DLG1: variants seen among roughly 807,000 people sequenced by gnomAD.
DLG1 encodes the protein discs large MAGUK scaffold protein 1.
DLG1 carries 42 observed loss-of-function variants against 123.4 expected under a neutral mutation model. That is an observed-to-expected ratio of 0.34 (90% CI 0.27 to 0.44). The LOEUF is 0.44. DLG1 is among the 20% of genes least tolerant of loss of function. The pLI is 1.00. For synonymous variants in DLG1, 317 were observed against 356.2 expected (o/e 0.89, Z 1.24); for missense variants, 942 against 1,082.6 (o/e 0.87, Z 1.82).
At chr3:197,266,372 TGTTA>T (rs1761695929) in intron 4 of DLG1, among the ~76,000 whole-genome samples, 1 of 152,042 alleles carries the variant, frequency 6.6e-6, no homozygotes, top group Non-Finnish European at 1.5e-5. Context: ...GGATAGAGTG[TGTTA>T]ATTAGACAAA....
At chr3:197,168,313 C>T (rs192078984) in intron 5 of DLG1, among the ~76,000 whole-genome samples, 53 of 152,308 alleles carry the variant, frequency 3.5e-4, no homozygotes, top group African/African-American at 1.1e-3. Flanking sequence ...AAGTCAACGA[C>T]GCATCAACAC....
chr3:197,158,634 C>CAAAAAAAAAAAAAAAAAAAAAAAAAAAA (rs71623339), intron 5 of DLG1, among the ~76,000 whole-genome samples: 7 of 67,490 alleles, frequency 1.0e-4, no homozygotes, highest in Non-Finnish European at 1.4e-4. Context: ...AACTCCATTT[C>CAAAAAAAAAAAAAAAAAAAAAAAAAAAA]AAAAAAAAAA....
At chr3:197,285,862 T>C (rs1363656305) in intron 3 of DLG1, among the ~76,000 whole-genome samples, 5 of 152,306 alleles carry the variant, frequency 3.3e-5, no homozygotes, top group South Asian at 2.1e-4. Flanking sequence ...GCTCCAGCAA[T>C]TGCGCTCCTT....
Position 197,122,150 on chromosome 3 carries a change from G to GT in DLG1, c.1166-2621dup, listed in dbSNP as rs371499460. ...TATAATATATATTATAAGGATGTGG[G>GT]TTTTTTCCCCCCACAAATGAATGGT... On this transcript the variant is annotated intron_variant, in intron 11 of 24. Coordinates refer to ENST00000667157, the MANE Select transcript of DLG1 (RefSeq NM_001366207.1). Among the ~76,000 whole-genome samples, 70 of 152,002 alleles carry GT rather than the reference G, an allele frequency of 4.6e-4. No individual in the cohort carries two copies. In the East Asian group the frequency reaches 9.8e-3, roughly 21 times the overall value.
intron 4 of DLG1, among the ~76,000 whole-genome samples, chr3:197,200,869 G>C (rs1725279352): frequency 6.6e-6 from 1 of 152,042 alleles, no homozygotes; most frequent in South Asian, 2.1e-4. Context: ...CACACCCACA[G>C]TCAACATTAT....
intron 6 of DLG1, among the ~76,000 whole-genome samples, chr3:197,148,851 G>T (rs1166097461): frequency 6.6e-6 from 1 of 152,016 alleles, no homozygotes; most frequent in Non-Finnish European, 1.5e-5. Flanking sequence ...TCACGAAATT[G>T]CGGCATTTTC....
chr3:197,158,714 C>T (rs188854245), intron 5 of DLG1, among the ~76,000 whole-genome samples: 2 of 143,036 alleles, frequency 1.4e-5, no homozygotes, highest in Admixed American at 7.2e-5. Context: ...ATTACTCTCA[C>T]ATTATGCGGG....
intron 4 of DLG1, among the ~76,000 whole-genome samples, chr3:197,251,658 G>A (rs1754503480): frequency 6.6e-6 from 1 of 151,964 alleles, no homozygotes; most frequent in Admixed American, 6.6e-5. Context: ...AGCTAAAAAA[G>A]ACAAATGAGA....
At chr3:197,257,724 A>C (rs960945186) in intron 4 of DLG1, among the ~76,000 whole-genome samples, 4 of 152,208 alleles carry the variant, frequency 2.6e-5, no homozygotes, top group African/African-American at 9.6e-5. Flanking sequence ...GGAAACCTCC[A>C]TGCTAAAGAA....
At chr3:197,255,929 T>A (rs1264073675) in intron 4 of DLG1, among the ~76,000 whole-genome samples, 1 of 152,108 alleles carries the variant, frequency 6.6e-6, no homozygotes, top group Admixed American at 6.6e-5. Context: ...ATTTGTGCAG[T>A]TCACACAGAA....
At chr3:197,219,816 C>T (rs73088403) in intron 4 of DLG1, among the ~76,000 whole-genome samples, 1,629 of 152,212 alleles carry the variant, frequency 0.011, 30 homozygotes, top group African/African-American at 0.037. Flanking sequence ...GGAAAGGCCT[C>T]AGGGGAAATC....
chr3:197,047,641 ACTAATCATTAAAAAGGGG>A (rs1243013580), intron 24 of DLG1, among the ~76,000 whole-genome samples: 2 of 151,832 alleles, frequency 1.3e-5, no homozygotes, highest in East Asian at 3.9e-4. Context: ...TCAAAGGGCA[ACTAATCATTAAAAAGGGG>A]CCAAGACTAC....
chr3:197,201,867 A>G (rs1021701452), intron 4 of DLG1, among the ~76,000 whole-genome samples: 16 of 152,172 alleles, frequency 1.1e-4, no homozygotes, highest in African/African-American at 3.1e-4. Context: ...AGCTTAGCCA[A>G]AGCACTTCAG....
At chr3:197,233,685 A>G (rs775040913) in intron 4 of DLG1, among the ~76,000 whole-genome samples, 3 of 151,506 alleles carry the variant, frequency 2.0e-5, no homozygotes, top group Non-Finnish European at 4.4e-5. Flanking sequence ...ATGCCTGGCT[A>G]ATTTTTGTAT....
At position 197,060,826 on chromosome 3, in the gene DLG1, T is replaced by TTTTG. The variant is rs895492229; in HGVS notation, c.2374-832_2374-829dup. 3.3e-5 allele frequency among the ~76,000 whole-genome samples: 5 copies of TTTTG among 151,924 alleles called. No individual in the cohort carries two copies. The East Asian group carries it at 7.7e-4, about 23-fold the overall frequency. ...CCTCCCCGATAATGCAACTTCAGTT[T>TTTTG]TTTGTTTGTTTGTTTTTGAGACGAA... On this transcript the variant is annotated intron_variant, in intron 22 of 24. Transcript: ENST00000667157.
intron 3 of DLG1, among the ~76,000 whole-genome samples, chr3:197,287,101 G>A (rs1772244868): frequency 6.6e-6 from 1 of 151,682 alleles, no homozygotes; most frequent in African/African-American, 2.4e-5. Context: ...AAACTCCTGG[G>A]CTCAAGGATC....
At chr3:197,249,000 A>G (rs1753113951) in intron 4 of DLG1, among the ~76,000 whole-genome samples, 1 of 152,246 alleles carries the variant, frequency 6.6e-6, no homozygotes, top group Non-Finnish European at 1.5e-5. Context: ...AAAAAATGAG[A>G]AAGACTTCAA....
At chr3:197,204,381 A>T (rs1727464751) in intron 4 of DLG1, among the ~76,000 whole-genome samples, 1 of 152,360 alleles carries the variant, frequency 6.6e-6, no homozygotes, top group South Asian at 2.1e-4. Context: ...TTAGAGCCAC[A>T]TCCAGACAAA....
At chr3:197,120,875 T>C (rs982505875) in intron 11 of DLG1, among the ~76,000 whole-genome samples, 2 of 152,208 alleles carry the variant, frequency 1.3e-5, no homozygotes, top group African/African-American at 4.8e-5. Context: ...TTTCTACCAA[T>C]GGCTCTTAAC....
Sources: gnomAD v4.1 joint callset for allele counts (sites outside exome capture counted in the v4.1 genomes callset) on GRCh38, gnomAD v4.1.1 for gene constraint, MANE v1.5 for transcripts, NCBI Gene and HGNC (gene_info 2026-07-23, HGNC 2026-07-21) for gene names.